ATXN2: variants seen among roughly 807,000 people sequenced by gnomAD.
ATXN2 encodes the protein ataxin-2.
ATXN2 carries 37 observed loss-of-function variants against 138.6 expected under a neutral mutation model. That is an observed-to-expected ratio of 0.27 (90% CI 0.21 to 0.35). The LOEUF is 0.35. ATXN2 is among the 10% of genes least tolerant of loss of function. The probability of loss-of-function intolerance (pLI) is 1.00; values close to 1 mark genes in which losing one functional copy is unlikely to be tolerated. For synonymous variants in ATXN2, 549 were observed against 543.7 expected (o/e 1.01, Z -0.13); for missense variants, 1,216 against 1,480.3 (o/e 0.82, Z 2.93).
At chr12:111,460,723 ATAATT>A (rs533360187) in intron 21 of ATXN2, among the ~76,000 whole-genome samples, 6 of 152,230 alleles carry the variant, frequency 3.9e-5, no homozygotes, top group Non-Finnish European at 8.8e-5. Context: ...ATGAAATCTC[ATAATT>A]TAAGTTATTC....
upstream of ATXN2, chr12:111,599,546 G>T (rs1283690396): frequency 4.2e-6 from 5 of 1,192,800 alleles, no homozygotes; most frequent in African/African-American, 6.4e-5. Flanking sequence ...CGCCGGGTGG[G>T]AGCGGAGGTG....
chr12:111,588,434 C>T (rs567883001), intron 1 of ATXN2, among the ~76,000 whole-genome samples: 1 of 152,042 alleles, frequency 6.6e-6, no homozygotes, highest in African/African-American at 2.4e-5. Context: ...ACCAGCCTGG[C>T]CAATATGGTG....
At chr12:111,588,933 T>C (rs1005081898) in intron 1 of ATXN2, among the ~76,000 whole-genome samples, 3 of 126,910 alleles carry the variant, frequency 2.4e-5, no homozygotes, top group Non-Finnish European at 3.1e-5. Flanking sequence ...AGGTGGAGCT[T>C]GCAGTGAGCT....
chr12:111,492,352 A>G (rs1013563739), intron 14 of ATXN2, among the ~76,000 whole-genome samples: 2 of 152,318 alleles, frequency 1.3e-5, no homozygotes, highest in African/African-American at 4.8e-5. Context: ...CTTAGATGAC[A>G]ACACTTAATT....
At chr12:111,514,731 A>G (rs1592851820) in intron 10 of ATXN2, among the ~76,000 whole-genome samples, 1 of 151,878 alleles carries the variant, frequency 6.6e-6, no homozygotes, top group Non-Finnish European at 1.5e-5. Context: ...CAAGTGATCC[A>G]CCTGCCTCAG....
intron 2 of ATXN2, 62 bp downstream of exon 2, chr12:111,555,821 G>T: frequency 7.2e-7 from 1 of 1,389,828 alleles, no homozygotes; most frequent in Non-Finnish European, 9.9e-7. Flanking sequence ...CATTTGGTCT[G>T]TGGTTAGAGA....
chr12:111,491,231 C>A (rs1440281613), intron 14 of ATXN2, among the ~76,000 whole-genome samples: 2 of 152,016 alleles, frequency 1.3e-5, no homozygotes, highest in Admixed American at 6.6e-5. Flanking sequence ...CCAGCCTGGG[C>A]AATAAGAGCG....
At chr12:111,499,753 G>A (rs562735318) in intron 14 of ATXN2, among the ~76,000 whole-genome samples, 1 of 152,166 alleles carries the variant, frequency 6.6e-6, no homozygotes, top group Admixed American at 6.5e-5. Context: ...TCAGCATTTT[G>A]GGAAGCCAAG....
At chr12:111,532,270 A>T (rs1880879466) in intron 5 of ATXN2, among the ~76,000 whole-genome samples, 1 of 152,176 alleles carries the variant, frequency 6.6e-6, no homozygotes, top group Non-Finnish European at 1.5e-5. Flanking sequence ...ACTTGAGGTC[A>T]GGAGTTGGTG....
At chr12:111,457,449 G>T in intron 21 of ATXN2, 90 bp from the exon 22 acceptor site, 1 of 1,424,438 alleles carries the variant, frequency 7.0e-7, no homozygotes, top group Non-Finnish European at 9.5e-7. Flanking sequence ...CTTTCTTGAT[G>T]GTTACAATGC....
rs1378354287 is a variant in ATXN2, at chr12:111,509,905, T to G, written c.1850A>C (p.Lys617Thr). 1 of 1,611,112 alleles carries G rather than the reference T, an allele frequency of 6.2e-7. No individual in the cohort carries two copies. The highest frequency in any genetic ancestry group is 8.5e-7 in the Non-Finnish European group (1 of 1,177,752). Residue 617 changes from lysine (K) to threonine (T), a missense_variant, in exon 13 of 25, where the codon AAA (lysine) becomes ACA (threonine). By Grantham distance (78) the Lys-to-Thr change is moderately conservative (BLOSUM62 -1). Transcript: ENST00000673436. ...TAAACTCTAACCTTTGTTTTCAGCT[T>G]TTGAGAAGCTAGGTGATGTTTCATT... The part of the protein sequence containing the change: ...KPNETSPSFS[K>T]AENKGISPVV...
At chr12:111,592,205 C>T (rs1424648995) in intron 1 of ATXN2, among the ~76,000 whole-genome samples, 1 of 151,854 alleles carries the variant, frequency 6.6e-6, no homozygotes, top group Non-Finnish European at 1.5e-5. Context: ...GCCTGGCCAA[C>T]ATGGTGAAAC....
intron 14 of ATXN2, among the ~76,000 whole-genome samples, chr12:111,490,378 G>A (rs966418218): frequency 5.9e-5 from 9 of 152,232 alleles, no homozygotes; most frequent in African/African-American, 2.2e-4. Flanking sequence ...GAACTGGAGG[G>A]AGGCTAATTA....
intron 10 of ATXN2, 24 bp from the exon 11 acceptor site, chr12:111,513,563 A>G: frequency 6.3e-7 from 1 of 1,597,692 alleles, no homozygotes; most frequent in Non-Finnish European, 8.5e-7. Flanking sequence ...AGTGAACATC[A>G]CATAAATTCC....
At chr12:111,530,674 C>T (rs139891589) in intron 5 of ATXN2, among the ~76,000 whole-genome samples, 4,219 of 152,238 alleles carry the variant, frequency 0.028, 74 homozygotes, top group Middle Eastern at 0.044. Context: ...GTTAGATGGG[C>T]GTAGTGGCCG....
intron 14 of ATXN2, among the ~76,000 whole-genome samples, chr12:111,506,933 C>G (rs994372863): frequency 1.3e-5 from 2 of 151,956 alleles, no homozygotes; most frequent in Non-Finnish European, 2.9e-5. Flanking sequence ...CCCGAGGTGC[C>G]GGGATTGCAG....
At chr12:111,463,526 C>T (rs1044680121) in intron 21 of ATXN2, among the ~76,000 whole-genome samples, 45 of 152,320 alleles carry the variant, frequency 3.0e-4, no homozygotes, top group African/African-American at 1.0e-3. Flanking sequence ...ATCCACCCAC[C>T]TCGGCCTCCC....
chr12:111,497,832 C>T (rs938351102), intron 14 of ATXN2, among the ~76,000 whole-genome samples: 10 of 151,592 alleles, frequency 6.6e-5, no homozygotes, highest in South Asian at 2.1e-4. Context: ...CTGGCTAACA[C>T]GGTGAAACCC....
intron 5 of ATXN2, among the ~76,000 whole-genome samples, chr12:111,542,971 A>C (rs1210091455): frequency 1.3e-5 from 2 of 152,242 alleles, no homozygotes; most frequent in Non-Finnish European, 2.9e-5. Context: ...AAAAATTATA[A>C]AACATGTAAC....
Sources: allele counts gnomAD v4.1 joint callset (sites outside exome capture counted in the v4.1 genomes callset), GRCh38; gene constraint gnomAD v4.1.1; transcripts MANE v1.5; gene names NCBI Gene and HGNC (gene_info 2026-07-23, HGNC 2026-07-21).